Variants in XIRP2 observed in about 807,000 individuals in gnomAD.
The protein encoded by XIRP2 is xin actin binding repeat containing 2.
In XIRP2, 236 loss-of-function variants were observed where a neutral mutation model predicts 277.0. The ratio of observed to expected loss-of-function variants is 0.85; its 90% CI spans 0.77 to 0.95. The LOEUF (loss-of-function observed/expected upper bound fraction) is 0.95, where lower values mean the gene tolerates loss of function less well. XIRP2 is among the 40% of genes least tolerant of loss of function. XIRP2 has a pLI of 0.00. For missense variants in XIRP2, 4,640 were observed against 4,157.5 expected, an observed-to-expected ratio of 1.12 and a Z score of -3.19; for synonymous variants, 1,490 against 1,416.5, an observed-to-expected ratio of 1.05 and a Z score of -1.17.
chr2:166,913,016 T>A (rs1416139904), intron 2 of XIRP2, among the ~76,000 whole-genome samples: 1 of 152,204 alleles, frequency 6.6e-6, no homozygotes. Context: ...CTGCCCCTAC[T>A]GGAGGATGCC....
At chr2:167,242,268 A>C (rs751481539) in intron 8 of XIRP2, among the ~76,000 whole-genome samples, 4 of 152,216 alleles carry the variant, frequency 2.6e-5, no homozygotes, top group African/African-American at 9.6e-5. Context: ...GTTTCCCTCT[A>C]GATTACTCTG....
chr2:167,247,159 G>A lies in XIRP2; in HGVS notation c.5767G>A (p.Glu1923Lys). The A allele has an allele frequency of 6.2e-7, 1 of 1,613,618 alleles. No individual in the cohort carries two copies. ...LKKELLKDDL[E>K]TSLRSLKEAQ... ...AAAGGAGCTTCTCAAAGATGACCTG[G>A]AAACATCACTAAGGTCTTTGAAAGA... Residue 1923 changes from glutamate (E) to lysine (K), a missense_variant, in exon 9 of 11, where the codon GAA (glutamate) becomes AAA (lysine). Glu to Lys is a moderately conservative substitution (Grantham distance 56). Transcript: ENST00000409195.
rs1364650259 is a variant in XIRP2 at position 167,247,409 on chromosome 2, A to G, written c.6017A>G (p.His2006Arg). ...TLSQTMGKSC[H>R]GNLVEERTEV... ...AGTCAAACTATGGGGAAATCTTGCC[A>G]TGGCAATTTAGTAGAAGAAAGAACT... The change falls in exon 9 of 11, where the codon CAT becomes CGT. Residue 2006 changes from histidine (H) to arginine (R), a missense_variant. His to Arg is a conservative substitution (Grantham distance 29). Coordinates refer to ENST00000409195, the MANE Select transcript of XIRP2 (RefSeq NM_152381.6). 3.7e-6 allele frequency: 6 copies of G among 1,613,636 alleles called. No individual in the cohort carries two copies. The highest frequency in any genetic ancestry group is 4.2e-6 in the Non-Finnish European group (5 of 1,179,782).
chr2:167,150,318 T>C (rs1691979778), intron 3 of XIRP2, among the ~76,000 whole-genome samples: 2 of 152,002 alleles, frequency 1.3e-5, no homozygotes, highest in Admixed American at 1.3e-4. Context: ...AGTATAAAAA[T>C]TGTATGATCA....
rs778966902 is a variant in XIRP2 at position 167,243,355 on chromosome 2, C to T, written c.1963C>T (p.Arg655Trp). The T allele has an allele frequency of 2.5e-6, 4 of 1,613,980 alleles. No homozygotes were observed. The highest frequency in any genetic ancestry group is 3.4e-6 in the Non-Finnish European group (4 of 1,179,974). Residue 655 changes from arginine (R) to tryptophan (W), a missense_variant, in exon 9 of 11, where the codon CGG (arginine) becomes TGG (tryptophan). By Grantham distance (101) the Arg-to-Trp change is moderately radical (BLOSUM62 -3). Transcript: ENST00000409195. ...AGCCAGAGGAGATGTCTGCACAGCT[C>T]GGTGGATGTTTGAAACAAGGCCATT... ...ELARGDVCTA[R>W]WMFETRPLDS...
chr2:167,022,130 A>G (rs551977306), intron 2 of XIRP2, among the ~76,000 whole-genome samples: 1 of 152,122 alleles, frequency 6.6e-6, no homozygotes, highest in African/African-American at 2.4e-5. Context: ...GTTTTAATAT[A>G]TCTCCTTTTT....
At chr2:167,147,775 T>C (rs896479461) in intron 3 of XIRP2, among the ~76,000 whole-genome samples, 6 of 152,148 alleles carry the variant, frequency 3.9e-5, no homozygotes, top group Non-Finnish European at 7.3e-5. Flanking sequence ...TAATAAACTG[T>C]AGTGGTGAGA....
intron 3 of XIRP2, among the ~76,000 whole-genome samples, chr2:167,161,251 C>T (rs1384594019): frequency 4.6e-5 from 7 of 152,170 alleles, no homozygotes; most frequent in Non-Finnish European, 8.8e-5. Flanking sequence ...ATACCATTCT[C>T]GAGTCTGGAA....
At chr2:167,138,074 CAT>C (rs528636366) in intron 3 of XIRP2, among the ~76,000 whole-genome samples, 53 of 152,216 alleles carry the variant, frequency 3.5e-4, no homozygotes, top group African/African-American at 1.0e-3. Context: ...AAGATAAACA[CAT>C]GTTTCTAAAT....
At chr2:166,895,026 C>G (rs1684206417) in intron 1 of XIRP2, among the ~76,000 whole-genome samples, 1 of 151,930 alleles carries the variant, frequency 6.6e-6, no homozygotes, top group Admixed American at 6.6e-5. Flanking sequence ...TTGCAAAGGT[C>G]CTGTGGCAGG....
chr2:167,034,851 C>T (rs1688468437), intron 2 of XIRP2, among the ~76,000 whole-genome samples: 1 of 152,194 alleles, frequency 6.6e-6, no homozygotes, highest in African/African-American at 2.4e-5. Context: ...ACCCAAATCT[C>T]AACTTGAATT....
chr2:167,248,882 C>G lies in XIRP2; in HGVS notation c.7490C>G (p.Ala2497Gly). The change falls in exon 9 of 11, where the codon GCA becomes GGA. Residue 2497 changes from alanine to glycine, a missense_variant. Transcript: ENST00000409195. The stretch of plus-strand genomic sequence containing the variant: ...AGAAAACAATTATCTATTGACTCTG[C>G]AAACTGTCTCTCACACACAGTTCCA... ...DERKQLSIDS[A>G]NCLSHTVPGT... 1 of 1,613,588 alleles carries G rather than the reference C, an allele frequency of 6.2e-7. No individual in the cohort carries two copies.
At chr2:167,077,435 TAA>T (rs997662156) in intron 2 of XIRP2, among the ~76,000 whole-genome samples, 1 of 147,456 alleles carries the variant, frequency 6.8e-6, no homozygotes, top group Non-Finnish European at 1.5e-5. Context: ...ATGGAGCAGT[TAA>T]AAAAAAAAGG....
intron 2 of XIRP2, among the ~76,000 whole-genome samples, chr2:167,044,007 A>G (rs1465832517): frequency 1.3e-5 from 2 of 152,134 alleles, no homozygotes; most frequent in Non-Finnish European, 2.9e-5. Context: ...CCTGATGAAC[A>G]TAGATGCAAA....
intron 3 of XIRP2, among the ~76,000 whole-genome samples, chr2:167,195,888 C>T (rs567610143): frequency 9.2e-5 from 14 of 152,268 alleles, no homozygotes; most frequent in East Asian, 1.9e-4. Flanking sequence ...AATGGAGGGA[C>T]GTTAGACCTA....
intron 3 of XIRP2, among the ~76,000 whole-genome samples, chr2:167,143,210 A>AGCCCCT (rs1313974995): frequency 6.6e-6 from 1 of 152,154 alleles, no homozygotes; most frequent in East Asian, 1.9e-4. Flanking sequence ...GTGAAGACAC[A>AGCCCCT]GCCCCTGCCC....
In XIRP2 at chr2:167,099,406, C is replaced by T. The variant is rs143496414; in HGVS notation, c.409-36503C>T. Among the ~76,000 whole-genome samples, 289 of 152,260 alleles carry T rather than the reference C, an allele frequency of 1.9e-3. 2 individuals are homozygous for T. The highest frequency in any genetic ancestry group is 0.016 in the Admixed American group (246 of 15,296). On this transcript the variant is annotated intron_variant, in intron 2 of 10. Coordinates refer to ENST00000409195, the MANE Select transcript of XIRP2 (RefSeq NM_152381.6). ...AACTTCAGACTGCTATCTATGCTGG[C>T]GGCGAGAATTTCAAGACAGTGCATC...
rs16853329 is a variant in XIRP2, at chr2:167,249,700, C to T, written c.8308C>T (p.His2770Tyr). Residue 2770 changes from histidine to tyrosine, a missense_variant, in exon 9 of 11, where the codon CAT (histidine) becomes TAT (tyrosine). Coordinates refer to ENST00000409195, the MANE Select transcript of XIRP2 (RefSeq NM_152381.6). ...CSHKQSLAER[H>Y]YQLPKKEKRV... ...TCATAAGCAATCTCTGGCTGAAAGA[C>T]ATTATCAGTTACCTAAGAAGGAGAA... is the stretch of plus-strand genomic sequence containing the variant. 1,636 of 1,613,412 alleles carry T rather than the reference C, an allele frequency of 1.0e-3. 15 individuals are homozygous for T. The African/African-American group carries it at 0.018, about 18-fold the overall frequency.
intron 2 of XIRP2, among the ~76,000 whole-genome samples, chr2:167,093,876 C>T (rs1690220186): frequency 6.6e-6 from 1 of 152,068 alleles, no homozygotes; most frequent in South Asian, 2.1e-4. Context: ...GTTCTAGATC[C>T]TTGAGGAATC....
Sources: allele counts gnomAD v4.1 joint callset (sites outside exome capture counted in the v4.1 genomes callset), GRCh38; gene constraint gnomAD v4.1.1; transcripts MANE v1.5; gene names NCBI Gene and HGNC (gene_info 2026-07-23, HGNC 2026-07-21).